The following CLIC5 variants were observed in gnomAD, a reference collection of about 807,000 sequenced individuals.
The protein encoded by CLIC5 is CLIC family member 5, also known as chloride intracellular channel protein 5.
CLIC5 carries 20 observed loss-of-function variants against 24.7 expected under a neutral mutation model. That is an observed-to-expected ratio of 0.81 (90% CI 0.57 to 1.18). The LOEUF is 1.18. CLIC5 is among the 50% of genes most tolerant of loss of function. The pLI is 0.00. For missense variants in CLIC5, 341 were observed against 326.1 expected (o/e 1.05, Z -0.35); for synonymous variants, 159 against 135.6 (o/e 1.17, Z -1.20).
intron 4 of CLIC5, among the ~76,000 whole-genome samples, chr6:45,930,317 A>G (rs2396578): frequency 0.23 from 34,662 of 152,000 alleles, 7,451 homozygotes; most frequent in African/African-American, 0.56. Context: ...AAGACTCGAG[A>G]TTGTAGAAGG....
At chr6:45,967,113 G>C (rs1056965202) in intron 1 of CLIC5, among the ~76,000 whole-genome samples, 1 of 152,162 alleles carries the variant, frequency 6.6e-6, no homozygotes, top group African/African-American at 2.4e-5. Flanking sequence ...AAAAATGCAG[G>C]GTCCTCATAA....
chr6:46,125,057 C>T, the CLIC5 span, among the ~76,000 whole-genome samples: 1 of 152,164 alleles, frequency 6.6e-6, no homozygotes, highest in Admixed American at 6.5e-5. Flanking sequence ...TACCATTTGA[C>T]CCAGCCATCC....
intron 1 of CLIC5, among the ~76,000 whole-genome samples, chr6:46,009,110 G>T (rs1197358529): frequency 6.6e-6 from 1 of 151,886 alleles, no homozygotes; most frequent in Non-Finnish European, 1.5e-5. Context: ...ATGCCCCAAA[G>T]GCTGAGAACC....
intron 1 of CLIC5, among the ~76,000 whole-genome samples, chr6:45,962,025 T>C (rs1326522881): frequency 6.7e-6 from 1 of 149,972 alleles, no homozygotes; most frequent in East Asian, 2.0e-4. Context: ...TATGTGTGTG[T>C]GTGTGTGTAT....
At chr6:45,938,708 G>A (rs561516225) in intron 4 of CLIC5, among the ~76,000 whole-genome samples, 21 of 152,308 alleles carry the variant, frequency 1.4e-4, no homozygotes, top group African/African-American at 4.8e-4. Flanking sequence ...CTTGGGAATA[G>A]GAGAACTGTA....
chr6:45,989,819 T>G (rs937879872), intron 1 of CLIC5, among the ~76,000 whole-genome samples: 5 of 152,148 alleles, frequency 3.3e-5, no homozygotes, highest in African/African-American at 4.8e-5. Flanking sequence ...GGGCTAGCAA[T>G]TTGAGGAACT....
intron 1 of CLIC5, among the ~76,000 whole-genome samples, chr6:46,046,137 C>T (rs2127462763): frequency 6.6e-6 from 1 of 152,292 alleles, no homozygotes; most frequent in African/African-American, 2.4e-5. Flanking sequence ...ACAAAGTGGA[C>T]TAGATTCCAG....
chr6:46,103,826 AG>A, the CLIC5 span, among the ~76,000 whole-genome samples: 2 of 152,202 alleles, frequency 1.3e-5, no homozygotes, highest in Non-Finnish European at 2.9e-5. Flanking sequence ...AGGATTCCAA[AG>A]CTCCACTCTT....
At chr6:45,918,985 T>C (rs1763142544) in intron 4 of CLIC5, 2 of 985,328 alleles carry the variant, frequency 2.0e-6, no homozygotes, top group South Asian at 9.4e-5. Flanking sequence ...CCTTAAACCA[T>C]TCAAACTACT....
At chr6:45,897,139 C>T (rs1451765639), downstream of CLIC5, among the ~76,000 whole-genome samples, 1 of 152,096 alleles carries the variant, frequency 6.6e-6, no homozygotes, top group Non-Finnish European at 1.5e-5. Context: ...TTGCCTTTGC[C>T]CTGAGGCTGC....
chr6:45,993,810 G>A (rs1766031099), intron 1 of CLIC5, among the ~76,000 whole-genome samples: 1 of 152,174 alleles, frequency 6.6e-6, no homozygotes, highest in Non-Finnish European at 1.5e-5. Flanking sequence ...TATGTGCCCA[G>A]TACTATGTGT....
the CLIC5 span, among the ~76,000 whole-genome samples, chr6:46,105,329 A>T: frequency 6.6e-6 from 1 of 152,136 alleles, no homozygotes; most frequent in Admixed American, 6.5e-5. Context: ...TTTTTTGAAA[A>T]GATCTCCATG....
Position 45,943,362 on chromosome 6 carries a change from C to T in CLIC5, c.300-1709G>A, listed in dbSNP as rs368818129. 2.0e-5 allele frequency among the ~76,000 whole-genome samples: 3 copies of T among 152,310 alleles called. No individual in the cohort carries two copies. The East Asian group carries it at 5.8e-4, about 29-fold the overall frequency. ...TCCATCAGGAGGGGGTGCTTTGCAC[C>T]GATGCTCCACACACATGTCTTCCTG... On this transcript the variant is annotated intron_variant, in intron 3 of 5. Coordinates refer to ENST00000339561, the MANE Select transcript of CLIC5 (RefSeq NM_016929.5).
rs545800880 is a variant in CLIC5 at position 45,961,593 on chromosome 6, C to A, written c.64-6349G>T. On this transcript the variant is annotated intron_variant, in intron 1 of 5. Coordinates refer to ENST00000339561, the MANE Select transcript of CLIC5 (RefSeq NM_016929.5). ...AGAAGCTTTCTTTATAATAATATTT[C>A]CAGCTGCCCATTTTTTAATTAGTTA... is the stretch of plus-strand genomic sequence containing the variant. 7.9e-4 allele frequency among the ~76,000 whole-genome samples: 121 copies of A among 152,306 alleles called. 1 individual carries two copies. The highest frequency in any genetic ancestry group is 2.7e-3 in the African/African-American group (113 of 41,568).
At chr6:45,923,092 G>A (rs1241473489) in intron 4 of CLIC5, among the ~76,000 whole-genome samples, 1 of 152,208 alleles carries the variant, frequency 6.6e-6, no homozygotes, top group African/African-American at 2.4e-5. Context: ...ACTCATAAAT[G>A]ATTGTAGAAC....
At chr6:46,100,646 C>T in the CLIC5 span, among the ~76,000 whole-genome samples, 1 of 152,110 alleles carries the variant, frequency 6.6e-6, no homozygotes, top group Admixed American at 6.6e-5. Context: ...TAATCATATA[C>T]CTTTTATTTT....
rs74605695 is a variant in CLIC5 at position 46,050,175 on chromosome 6, G to A, written c.540+29528C>T. Among the ~76,000 whole-genome samples the A allele has an allele frequency of 3.8e-3, 581 of 152,252 alleles. 2 individuals carry two copies. The highest frequency in any genetic ancestry group is 0.013 in the African/African-American group (524 of 41,540). On this transcript the variant is annotated intron_variant, in intron 1 of 5. Transcript: ENST00000185206. Reference sequence around the variant, plus strand: ...TCCATGTTTCTCTGTGTCCCTGTAAGTGCCTGGACCACATCCCTATGCAGA... The same window carrying A: ...TCCATGTTTCTCTGTGTCCCTGTAAATGCCTGGACCACATCCCTATGCAGA...
At chr6:45,883,386 A>G (rs1348242430) in intron 6 of CLIC5, among the ~76,000 whole-genome samples, 4 of 152,206 alleles carry the variant, frequency 2.6e-5, no homozygotes, top group African/African-American at 9.6e-5. Context: ...GGAAAACTCT[A>G]AAGTCTTTTC....
intron 6 of CLIC5, among the ~76,000 whole-genome samples, chr6:45,888,270 G>C (rs1762322278): frequency 6.6e-6 from 1 of 152,196 alleles, no homozygotes; most frequent in African/African-American, 2.4e-5. Flanking sequence ...CATAGCCATA[G>C]GTCATCTTTT....
Sources: gnomAD v4.1 joint callset for allele counts (sites outside exome capture counted in the v4.1 genomes callset) on GRCh38, gnomAD v4.1.1 for gene constraint, MANE v1.5 for transcripts, NCBI Gene and HGNC (gene_info 2026-07-23, HGNC 2026-07-21) for gene names.